DRC11: variants seen among roughly 807,000 people sequenced by gnomAD.
The protein encoded by DRC11 is dynein regulatory complex subunit 11.
At chr2:236,456,925 G>A in the DRC11 span, among the ~76,000 whole-genome samples, 2 of 152,212 alleles carry the variant, frequency 1.3e-5, no homozygotes, top group African/African-American at 4.8e-5. This position sits in a 1 kb window ranked among gnomAD's most constrained non-coding sequence, Gnocchi z 5.4. Context: ...TGGCTCCAAA[G>A]CCCGTGGGGA....
At chr2:236,507,212 T>A in the DRC11 span, 3 of 1,608,172 alleles carry the variant, frequency 1.9e-6, no homozygotes, top group Non-Finnish European at 2.6e-6. Flanking sequence ...CCTTCTGGCT[T>A]GGGGAAGCCC....
the DRC11 span, chr2:236,392,425 G>T: frequency 4.0e-6 from 3 of 754,608 alleles, no homozygotes; most frequent in Admixed American, 3.0e-5. This position sits in a 1 kb window ranked among gnomAD's most constrained non-coding sequence, Gnocchi z 5.1. Flanking sequence ...ATTTTAAAAA[G>T]ACGTAGGTTA....
the DRC11 span, among the ~76,000 whole-genome samples, chr2:236,454,151 T>C: frequency 6.6e-6 from 1 of 152,146 alleles, no homozygotes; most frequent in Non-Finnish European, 1.5e-5. The surrounding 1 kb of genome is among the most constrained non-coding windows in gnomAD (Gnocchi z 5.3). Flanking sequence ...GGGTGCAACC[T>C]GGGACAGCCT....
chr2:236,351,726 G>A, the DRC11 span, among the ~76,000 whole-genome samples: 7 of 152,166 alleles, frequency 4.6e-5, no homozygotes, highest in African/African-American at 1.4e-4. This position sits in a 1 kb window ranked among gnomAD's most constrained non-coding sequence, Gnocchi z 7.3. Context: ...GAGGTGCTGC[G>A]GGGCTGCTGT....
At chr2:236,337,080 C>T in the DRC11 span, among the ~76,000 whole-genome samples, 13 of 152,276 alleles carry the variant, frequency 8.5e-5, no homozygotes, top group Admixed American at 1.3e-4. This position sits in a 1 kb window ranked among gnomAD's most constrained non-coding sequence, Gnocchi z 4.9. Flanking sequence ...TCAGTGCCCA[C>T]GACGGCCAGC....
At chr2:236,384,084 T>C in the DRC11 span, among the ~76,000 whole-genome samples, 1 of 152,106 alleles carries the variant, frequency 6.6e-6, no homozygotes, top group Admixed American at 6.6e-5. Flanking sequence ...TTTGGGTTGG[T>C]TCCAAGTCTT....
the DRC11 span, among the ~76,000 whole-genome samples, chr2:236,440,552 C>CA: frequency 6.6e-6 from 1 of 152,116 alleles, no homozygotes; most frequent in Non-Finnish European, 1.5e-5. Context: ...TAGAGATGAT[C>CA]AAAGGTGTTT....
the DRC11 span, chr2:236,344,646 G>A: frequency 6.2e-7 from 1 of 1,612,042 alleles, no homozygotes; most frequent in African/African-American, 1.3e-5. Flanking sequence ...CGAGCCACCT[G>A]CAGAGGAAAA....
At chr2:236,345,080 G>A in the DRC11 span, among the ~76,000 whole-genome samples, 2 of 143,306 alleles carry the variant, frequency 1.4e-5, no homozygotes. Context: ...GCTTCCCTCT[G>A]GGGTGTGCAG....
At chr2:236,315,046 A>C in the DRC11 span, among the ~76,000 whole-genome samples, 1 of 152,356 alleles carries the variant, frequency 6.6e-6, no homozygotes, top group African/African-American at 2.4e-5. The surrounding 1 kb of genome is among the most constrained non-coding windows in gnomAD (Gnocchi z 5.1). Flanking sequence ...CCATTATTGT[A>C]AAGCTACAGT....
the DRC11 span, among the ~76,000 whole-genome samples, chr2:236,312,782 G>A: frequency 6.6e-6 from 1 of 151,692 alleles, no homozygotes; most frequent in East Asian, 1.9e-4. Context: ...TATTTTTAAA[G>A]GAAAGATAAA....
At chr2:236,369,552 C>T in the DRC11 span, among the ~76,000 whole-genome samples, 6 of 152,194 alleles carry the variant, frequency 3.9e-5, no homozygotes, top group Non-Finnish European at 7.3e-5. The surrounding 1 kb of genome is among the most constrained non-coding windows in gnomAD (Gnocchi z 4.5). Context: ...TTCAAGGTGA[C>T]AGGAAAGTGA....
chr2:236,315,769 C>T, the DRC11 span, among the ~76,000 whole-genome samples: 2 of 152,064 alleles, frequency 1.3e-5, no homozygotes, highest in African/African-American at 4.8e-5. The surrounding 1 kb of genome is among the most constrained non-coding windows in gnomAD (Gnocchi z 5.1). Context: ...AACCAAACAC[C>T]GCATATTCTC....
At chr2:236,385,044 T>C in the DRC11 span, among the ~76,000 whole-genome samples, 1 of 152,012 alleles carries the variant, frequency 6.6e-6, no homozygotes, top group African/African-American at 2.4e-5. Context: ...ATCAGTACCA[T>C]GCTGTTTTGG....
the DRC11 span, among the ~76,000 whole-genome samples, chr2:236,406,475 T>C: frequency 6.6e-6 from 1 of 152,190 alleles, no homozygotes; most frequent in African/African-American, 2.4e-5. This position sits in a 1 kb window ranked among gnomAD's most constrained non-coding sequence, Gnocchi z 4.7. Flanking sequence ...TTATATATTT[T>C]GAAATACATC....
the DRC11 span, among the ~76,000 whole-genome samples, chr2:236,393,731 G>A: frequency 1.3e-5 from 2 of 152,310 alleles, no homozygotes; most frequent in East Asian, 3.9e-4. This position sits in a 1 kb window ranked among gnomAD's most constrained non-coding sequence, Gnocchi z 4.7. Context: ...GAAAGCCTGG[G>A]GAGACTCTGA....
At chr2:236,446,419 C>G in the DRC11 span, among the ~76,000 whole-genome samples, 1 of 152,156 alleles carries the variant, frequency 6.6e-6, no homozygotes, top group African/African-American at 2.4e-5. The surrounding 1 kb of genome is among the most constrained non-coding windows in gnomAD (Gnocchi z 6.2). Flanking sequence ...GGGACTTCCC[C>G]AGGAGTAACT....
At chr2:236,422,313 G>A in the DRC11 span, among the ~76,000 whole-genome samples, 557 of 152,256 alleles carry the variant, frequency 3.7e-3, 1 homozygote, top group African/African-American at 0.013. Flanking sequence ...AAACCCCATC[G>A]TCTCAGCCCA....
the DRC11 span, among the ~76,000 whole-genome samples, chr2:236,417,559 C>CTTT: frequency 6.9e-6 from 1 of 144,654 alleles, no homozygotes; most frequent in Non-Finnish European, 1.5e-5. Flanking sequence ...GGATCATGAT[C>CTTT]TTTTTTTTTT....
Sources: allele counts gnomAD v4.1 joint callset (sites outside exome capture counted in the v4.1 genomes callset), GRCh38; gene constraint gnomAD v4.1.1; non-coding constraint Gnocchi (gnomAD v3.1); transcripts MANE v1.5; gene names NCBI Gene and HGNC (gene_info 2026-07-23, HGNC 2026-07-21).